The following SYT17 variants were observed in gnomAD, a reference collection of about 807,000 sequenced individuals.
SYT17 encodes synaptotagmin-17.
A neutral mutation model predicts 46.7 loss-of-function variants in SYT17; 22 were observed. The ratio of observed to expected loss-of-function variants is 0.47; its 90% CI spans 0.34 to 0.67. The LOEUF is 0.67. Ranked by LOEUF, SYT17 falls within the 30% of genes least tolerant of loss-of-function variation. The pLI, the probability that SYT17 is intolerant of heterozygous loss-of-function variation, is 0.01. For synonymous variants in SYT17, 251 were observed against 248.4 expected, an observed-to-expected ratio of 1.01 and a Z score of -0.10; for missense variants, 519 against 612.8, an observed-to-expected ratio of 0.85 and a Z score of 1.62.
chr16:19,263,673 A>C (rs73534511), intron 7 of SYT17, among the ~76,000 whole-genome samples: 5,959 of 151,752 alleles, frequency 0.039, 322 homozygotes, highest in African/African-American at 0.12. Context: ...AGAAAAAAAA[A>C]ACTTGGACAT....
intron 3 of SYT17, among the ~76,000 whole-genome samples, chr16:19,176,380 G>A (rs7200934): frequency 0.49 from 73,950 of 152,008 alleles, 19,682 homozygotes; most frequent in African/African-American, 0.68. Context: ...AAACCAGGGA[G>A]ATGGTCATTT....
intron 5 of SYT17, among the ~76,000 whole-genome samples, chr16:19,194,896 C>A (rs558565568): frequency 6.6e-6 from 1 of 152,318 alleles, no homozygotes; most frequent in Non-Finnish European, 1.5e-5. Flanking sequence ...TCACGCCCAG[C>A]CAAATAAAAG....
rs1163064666 is a variant in SYT17 at position 19,183,684 on chromosome 16, C to T, written c.488C>T (p.Ser163Phe). The stretch of plus-strand genomic sequence containing the variant: ...AGGAAGTTCGAACCCCACCTGTACT[C>T]CCTCGACTCCAACAGCGACGATGTG... ...YFRKFEPHLY[S>F]LDSNSDDVDS... Residue 163 changes from serine (S) to phenylalanine (F), a missense_variant, in exon 5 of 8, where the codon TCC (serine) becomes TTC (phenylalanine). Physicochemically the swap from Ser to Phe is radical, Grantham distance 155 (BLOSUM62 -2). Transcript: ENST00000355377. This position sits in a 1 kb window ranked among gnomAD's most constrained non-coding sequence, Gnocchi z 5.6. 2 of 1,614,208 alleles carry T rather than the reference C, an allele frequency of 1.2e-6. No homozygotes were observed. Among genetic ancestry groups the T allele is most frequent in the South Asian group, 1.1e-5 (1 of 91,074 alleles).
At chr16:19,252,675 G>T (rs1417752710) in intron 7 of SYT17, among the ~76,000 whole-genome samples, 1 of 149,476 alleles carries the variant, frequency 6.7e-6, no homozygotes, top group African/African-American at 2.5e-5. Context: ...TTTTGAAGAG[G>T]ATTCTATTCC....
At chr16:19,199,393 T>C (rs576650837) in intron 5 of SYT17, among the ~76,000 whole-genome samples, 1 of 152,236 alleles carries the variant, frequency 6.6e-6, no homozygotes, top group Admixed American at 6.5e-5. Context: ...ACTTCTGAGC[T>C]CAATATTCTT....
chr16:19,242,927 A>G (rs1967242116), intron 7 of SYT17, among the ~76,000 whole-genome samples: 1 of 152,088 alleles, frequency 6.6e-6, no homozygotes, highest in Non-Finnish European at 1.5e-5. Flanking sequence ...TGGCTCCATG[A>G]AGAACTGGGT....
rs1019856762 is a variant in SYT17, at chr16:19,168,597, TG to T, written c.-48del. The T allele has an allele frequency of 1.4e-5, 22 of 1,542,402 alleles. No individual in the cohort carries two copies. In the African/African-American group the frequency reaches 2.9e-4, roughly 21 times the overall value. On this transcript the variant is annotated 5_prime_UTR_variant, in exon 1 of 8. Transcript: ENST00000355377. This position sits in a 1 kb window ranked among gnomAD's most constrained non-coding sequence, Gnocchi z 6.9. ...CCCTCCGCTGTTGGCGAGGGCAAAG[TG>T]GCCGTGGCGGCGCCATGCCCGGGCC...
chr16:19,228,629 C>T lies in SYT17; in HGVS notation c.1228+3791C>T, dbSNP rs576596864. ...TATTTCTATTGCTCATTCATTGTTC[C>T]GAACCACAGCTGTGAGTGGAAATCC... On this transcript the variant is annotated intron_variant, in intron 7 of 7. Transcript: ENST00000355377. Among the ~76,000 whole-genome samples, 16 of 152,270 alleles carry T rather than the reference C, an allele frequency of 1.1e-4. No individual in the cohort carries two copies. The South Asian group carries it at 2.3e-3, about 22-fold the overall frequency.
chr16:19,257,951 ATG>A (rs943964707), intron 7 of SYT17, among the ~76,000 whole-genome samples: 1 of 92,454 alleles, frequency 1.1e-5, no homozygotes, highest in Non-Finnish European at 2.3e-5. Context: ...ATTGGTAAAG[ATG>A]TTTTTTTTTT....
intron 7 of SYT17, among the ~76,000 whole-genome samples, chr16:19,230,824 G>A (rs1348427230): frequency 6.6e-6 from 1 of 152,106 alleles, no homozygotes; most frequent in Admixed American, 6.5e-5. Flanking sequence ...TTACTTCGGT[G>A]AATTGTTGCA....
At chr16:19,184,766 A>T (rs1227927715) in intron 5 of SYT17, among the ~76,000 whole-genome samples, 1 of 152,154 alleles carries the variant, frequency 6.6e-6, no homozygotes, top group East Asian at 1.9e-4. Context: ...TTTAATAAGG[A>T]GAATGATTGC....
intron 5 of SYT17, chr16:19,211,141 C>T (rs898901835): frequency 3.0e-5 from 11 of 367,900 alleles, no homozygotes; most frequent in African/African-American, 1.5e-4. Context: ...CCACGTGGTT[C>T]GACCAAATTA....
intron 7 of SYT17, among the ~76,000 whole-genome samples, chr16:19,237,100 C>G (rs72779568): frequency 0.065 from 9,839 of 152,266 alleles, 454 homozygotes; most frequent in Non-Finnish European, 0.095. Context: ...GGTAAGATTA[C>G]TTTTTCACTG....
At chr16:19,173,373 ACCCTG>A in intron 2 of SYT17, 52 bp from the exon 3 acceptor site, 1 of 211,142 alleles carries the variant, frequency 4.7e-6, no homozygotes, top group Non-Finnish European at 8.2e-6. Context: ...CCTCTTCCCC[ACCCTG>A]CCCACCTCCC....
intron 7 of SYT17, chr16:19,250,071 A>G (rs767262821): frequency 8.0e-5 from 123 of 1,531,422 alleles, no homozygotes; most frequent in Non-Finnish European, 1.0e-4. Flanking sequence ...TAAAAGTAGA[A>G]TGATTGAGTT....
chr16:19,263,423 C>T (rs1401371047), intron 7 of SYT17, among the ~76,000 whole-genome samples: 1 of 151,998 alleles, frequency 6.6e-6, no homozygotes, highest in Non-Finnish European at 1.5e-5. Flanking sequence ...GGGCAGATCA[C>T]CTGAGGTCAG....
chr16:19,172,840 T>C lies in SYT17; in HGVS notation c.33+63T>C, dbSNP rs2142506479. ...ATCAAGAAATGCCTGACTTTCATTTTGGAGTCTTATGTGGGGCTGTGGGGA... is the reference window on the plus strand; with the variant it reads ...ATCAAGAAATGCCTGACTTTCATTTCGGAGTCTTATGTGGGGCTGTGGGGA... On this transcript the variant is annotated intron_variant, in intron 2 of 7. Coordinates refer to ENST00000355377, the MANE Select transcript of SYT17 (RefSeq NM_016524.4). 2.5e-6 allele frequency: 4 copies of C among 1,592,122 alleles called. No individual in the cohort carries two copies. The African/African-American group carries it at 5.4e-5, about 21-fold the overall frequency.
chr16:19,192,075 G>A (rs780109092), intron 5 of SYT17, among the ~76,000 whole-genome samples: 3 of 152,196 alleles, frequency 2.0e-5, no homozygotes, highest in South Asian at 2.1e-4. Context: ...GAGCCACCGC[G>A]CGGCCGCACT....
chr16:19,211,465 TA>T (rs1381786998), intron 5 of SYT17: 23 of 703,662 alleles, frequency 3.3e-5, no homozygotes, highest in African/African-American at 7.0e-5. Flanking sequence ...AAGGACCAAG[TA>T]CCGTGAAGGA....
Sources: allele counts gnomAD v4.1 joint callset (sites outside exome capture counted in the v4.1 genomes callset), GRCh38; gene constraint gnomAD v4.1.1; non-coding constraint Gnocchi (gnomAD v3.1); transcripts MANE v1.5; gene names NCBI Gene and HGNC (gene_info 2026-07-23, HGNC 2026-07-21).